The following PPFIA2 variants were observed in gnomAD, a reference collection of about 807,000 sequenced individuals.
The protein encoded by PPFIA2 is PPFI scaffold protein A2.
Under a neutral mutation model 175.5 loss-of-function variants are expected in PPFIA2, and 46 were observed. The ratio of observed to expected loss-of-function variants is 0.26; its 90% CI spans 0.21 to 0.34. The LOEUF (loss-of-function observed/expected upper bound fraction) is 0.34. Among genes scored for constraint, PPFIA2 ranks in the 10% least tolerant of loss-of-function variants. The pLI is 1.00. For synonymous variants in PPFIA2, 568 were observed against 511.4 expected (o/e 1.11, Z -1.49); for missense variants, 1,179 against 1,506.1 (o/e 0.78, Z 3.60).
chr12:81,280,225 G>A (rs888141855), intron 27 of PPFIA2, among the ~76,000 whole-genome samples: 2 of 152,074 alleles, frequency 1.3e-5, no homozygotes, highest in African/African-American at 4.8e-5. Flanking sequence ...TCGTGCTAAG[G>A]ATAAATTCCT....
intron 16 of PPFIA2, among the ~76,000 whole-genome samples, chr12:81,356,804 GACAA>G (rs554275136): frequency 1.4e-3 from 207 of 152,180 alleles, no homozygotes; most frequent in African/African-American, 4.7e-3. Context: ...GTAAAAAACT[GACAA>G]ACAAACAAAC....
chr12:81,735,365 T>G (rs2081439742), intron 3 of PPFIA2, among the ~76,000 whole-genome samples: 1 of 151,836 alleles, frequency 6.6e-6, no homozygotes, highest in Non-Finnish European at 1.5e-5. Context: ...GAGCATATCT[T>G]CATCTGCTTA....
chr12:81,487,396 T>C (rs1248220662), intron 4 of PPFIA2, among the ~76,000 whole-genome samples: 1 of 151,954 alleles, frequency 6.6e-6, no homozygotes, highest in African/African-American at 2.4e-5. Context: ...AAAGTCTTAC[T>C]GGGTTGTTGT....
chr12:81,548,699 T>A (rs2067382934), intron 4 of PPFIA2, among the ~76,000 whole-genome samples: 1 of 152,106 alleles, frequency 6.6e-6, no homozygotes, highest in Non-Finnish European at 1.5e-5. Flanking sequence ...GCCTCATTTA[T>A]AATATTTAAA....
intron 11 of PPFIA2, among the ~76,000 whole-genome samples, chr12:81,370,661 A>T (rs2141528710): frequency 6.6e-6 from 1 of 151,998 alleles, no homozygotes; most frequent in Admixed American, 6.6e-5. Flanking sequence ...ATGTTTGCCC[A>T]GTGCCAAGGT....
At chr12:81,565,552 CTAAT>C (rs1376724103) in intron 4 of PPFIA2, among the ~76,000 whole-genome samples, 3 of 152,174 alleles carry the variant, frequency 2.0e-5, no homozygotes, top group South Asian at 2.1e-4. Context: ...AGAACACTAA[CTAAT>C]ACAACTGCAT....
rs183681576 is a variant in PPFIA2 at position 81,718,880 on chromosome 12, T to G, written c.249+35093A>C. ...GCTTGGCATTTATTCTAGCTGTAAT[T>G]TCAGCACGTTGGGAAAGGGAAATAG... On this transcript the variant is annotated intron_variant, in intron 3 of 32. Coordinates refer to ENST00000549396, the MANE Select transcript of PPFIA2 (RefSeq NM_003625.5). Among the ~76,000 whole-genome samples, 10 of 151,668 alleles carry G rather than the reference T, an allele frequency of 6.6e-5. No individual in the cohort carries two copies. The East Asian group carries it at 2.0e-3, about 30-fold the overall frequency.
chr12:81,365,717 G>A (rs185404613), intron 14 of PPFIA2, among the ~76,000 whole-genome samples: 11 of 151,676 alleles, frequency 7.3e-5, no homozygotes, highest in Admixed American at 6.6e-4. Context: ...GTCTTTAAGA[G>A]GCTACTAAAA....
chr12:81,361,582 G>T (rs555500108), intron 15 of PPFIA2, among the ~76,000 whole-genome samples: 1 of 151,528 alleles, frequency 6.6e-6, no homozygotes, highest in African/African-American at 2.4e-5. Flanking sequence ...ATATTGAAAA[G>T]AATTTAAGAC....
Position 81,491,534 on chromosome 12 carries a change from G to A in PPFIA2, c.304-33668C>T, listed in dbSNP as rs1410827007. On this transcript the variant is annotated intron_variant, in intron 4 of 32. Coordinates refer to ENST00000549396, the MANE Select transcript of PPFIA2 (RefSeq NM_003625.5). Reference sequence around the variant, plus strand: ...GAATTTGAGGTGGGGCCTTTGGGAGGTAATTACTGTTAGATAAATCCATGA... The same window carrying A: ...GAATTTGAGGTGGGGCCTTTGGGAGATAATTACTGTTAGATAAATCCATGA... Among the ~76,000 whole-genome samples, 19 of 151,820 alleles carry A rather than the reference G, an allele frequency of 1.3e-4. 1 individual carries two copies. Among genetic ancestry groups the A allele is most frequent in the Non-Finnish European group, 2.8e-4 (19 of 67,904 alleles).
intron 4 of PPFIA2, among the ~76,000 whole-genome samples, chr12:81,515,298 C>T (rs572711193): frequency 5.9e-5 from 9 of 151,858 alleles, no homozygotes; most frequent in Non-Finnish European, 1.0e-4. Context: ...GAAACCTTTC[C>T]TGTAGGATAG....
chr12:81,638,929 C>T (rs1201347180), intron 4 of PPFIA2, among the ~76,000 whole-genome samples: 3 of 151,464 alleles, frequency 2.0e-5, no homozygotes, highest in South Asian at 2.1e-4. Flanking sequence ...CCTCGTGATC[C>T]GCCCGCCTCG....
chr12:81,695,935 A>T (rs1030592001), intron 3 of PPFIA2, among the ~76,000 whole-genome samples: 10 of 152,122 alleles, frequency 6.6e-5, no homozygotes, highest in African/African-American at 2.2e-4. Context: ...AAATGAGACA[A>T]ATTTATTGAG....
At chr12:81,732,217 C>T (rs143009579) in intron 3 of PPFIA2, among the ~76,000 whole-genome samples, 1 of 151,590 alleles carries the variant, frequency 6.6e-6, no homozygotes, top group Non-Finnish European at 1.5e-5. Context: ...CAAATGGTGA[C>T]TACAAGAATG....
chr12:81,605,281 A>T (rs2153460270), intron 4 of PPFIA2, among the ~76,000 whole-genome samples: 1 of 151,844 alleles, frequency 6.6e-6, no homozygotes, highest in East Asian at 1.9e-4. Flanking sequence ...ATTTTATGTT[A>T]ATTTTTGATA....
At chr12:81,294,099 G>T (rs530211584) in intron 24 of PPFIA2, among the ~76,000 whole-genome samples, 1 of 152,076 alleles carries the variant, frequency 6.6e-6, no homozygotes, top group Non-Finnish European at 1.5e-5. Flanking sequence ...ATGGGTACAT[G>T]TGGACAGGTA....
intron 4 of PPFIA2, among the ~76,000 whole-genome samples, chr12:81,624,613 T>C (rs1029469390): frequency 2.1e-5 from 3 of 146,322 alleles, no homozygotes; most frequent in African/African-American, 2.5e-5. Flanking sequence ...TGATAATATA[T>C]AATTATATAT....
chr12:81,546,865 C>T (rs976918879), intron 4 of PPFIA2, among the ~76,000 whole-genome samples: 25 of 151,844 alleles, frequency 1.6e-4, no homozygotes, highest in African/African-American at 5.8e-4. Context: ...TATGGTAAGT[C>T]GCAGCAGTTG....
intron 22 of PPFIA2, chr12:81,312,045 A>G: frequency 1.1e-6 from 1 of 910,816 alleles, no homozygotes; most frequent in Non-Finnish European, 1.6e-6. Flanking sequence ...TTTTCATTTC[A>G]GGTCAGAGGC....
Sources: gnomAD v4.1 joint callset for allele counts (sites outside exome capture counted in the v4.1 genomes callset) on GRCh38, gnomAD v4.1.1 for gene constraint, MANE v1.5 for transcripts, NCBI Gene and HGNC (gene_info 2026-07-23, HGNC 2026-07-21) for gene names.